The following DNAH2 variants were observed in gnomAD, a reference collection of about 807,000 sequenced individuals.
DNAH2 encodes the protein axonemal beta dynein heavy chain 2.
DNAH2 carries 323 observed loss-of-function variants against 523.5 expected under a neutral mutation model. The ratio of observed to expected loss-of-function variants is 0.62; its 90% CI spans 0.56 to 0.68. The LOEUF (loss-of-function observed/expected upper bound fraction) is 0.68, where lower values mean the gene tolerates loss of function less well. Ranked by LOEUF, DNAH2 falls within the 30% of genes least tolerant of loss-of-function variation. The pLI, the probability that DNAH2 is intolerant of heterozygous loss-of-function variation, is 0.00. For missense variants in DNAH2, 4,907 were observed against 5,701.5 expected (o/e 0.86, Z 4.49); for synonymous variants, 2,093 against 2,177.4 (o/e 0.96, Z 1.08).
chr17:7,810,050 TTTTC>T lies in DNAH2; in HGVS notation c.9729+2472_9729+2475del, dbSNP rs1032739091. Reference sequence around the variant, plus strand: ...CTTCCTTCCTTCCTTTTCTTCTTTCTTTTCTTTCTTTTTTTTCTTTTTTTTTTTT... The same window carrying T: ...CTTCCTTCCTTCCTTTTCTTCTTTCTTTTCTTTTTTTTCTTTTTTTTTTTT... On this transcript the variant is annotated intron_variant, in intron 63 of 85. Coordinates refer to ENST00000572933, the MANE Select transcript of DNAH2 (RefSeq NM_020877.5). Among the ~76,000 whole-genome samples, 10 of 149,044 alleles carry T rather than the reference TTTTC, an allele frequency of 6.7e-5. No individual in the cohort carries two copies. In the East Asian group the frequency reaches 1.4e-3, roughly 20 times the overall value.
chr17:7,772,469 A>T (rs1389593478), intron 28 of DNAH2, among the ~76,000 whole-genome samples: 3 of 152,206 alleles, frequency 2.0e-5, no homozygotes, highest in Non-Finnish European at 2.9e-5. Flanking sequence ...GCACAGAACA[A>T]ATCCATCTTG....
intron 12 of DNAH2, among the ~76,000 whole-genome samples, chr17:7,746,537 C>T (rs748461122): frequency 7.9e-5 from 12 of 152,230 alleles, no homozygotes; most frequent in East Asian, 5.8e-4. Flanking sequence ...TAAGAATAAC[C>T]ACTTTTAATG....
Position 7,816,446 on chromosome 17 carries a change from G to T in DNAH2, c.9730-125G>T, listed in dbSNP as rs2077668047. The T allele has an allele frequency of 2.7e-6, 3 of 1,117,650 alleles. No homozygotes were observed. The African/African-American group carries it at 4.7e-5, about 17-fold the overall frequency. The allele number at this position is 1,117,650 out of a possible 1,614,324, so 69.2% of individuals were successfully genotyped here. On this transcript the variant is annotated intron_variant, in intron 63 of 85. Transcript: ENST00000572933. ...TTCTTTTACAACATGAGGAAACTAG[G>T]CTCAAAGAGATTAATTTAACAAAGC...
intron 12 of DNAH2, chr17:7,743,676 C>CA (rs1597505831): frequency 3.7e-6 from 1 of 270,394 alleles, no homozygotes; most frequent in South Asian, 4.6e-5. Flanking sequence ...AAACAAAAAT[C>CA]AAAAACCACT....
intron 58 of DNAH2, among the ~76,000 whole-genome samples, chr17:7,803,564 G>C (rs760372022): frequency 2.6e-5 from 4 of 152,160 alleles, no homozygotes; most frequent in Non-Finnish European, 5.9e-5. Flanking sequence ...CAGCTACTGG[G>C]GAGGCTGAGG....
At chr17:7,747,049 C>G (rs1325103565) in intron 12 of DNAH2, among the ~76,000 whole-genome samples, 1 of 151,118 alleles carries the variant, frequency 6.6e-6, no homozygotes, top group Non-Finnish European at 1.5e-5. Flanking sequence ...CAGCACATAT[C>G]CCCAATCCCT....
intron 8 of DNAH2, 133 bp from the exon 9 acceptor site, chr17:7,739,600 T>G: frequency 1.1e-6 from 1 of 894,270 alleles, no homozygotes; most frequent in Non-Finnish European, 1.7e-6. Flanking sequence ...TTAGATATTT[T>G]CTTCTTCTTT....
intron 12 of DNAH2, among the ~76,000 whole-genome samples, chr17:7,752,160 T>TACACACACACACACAC (rs1555544463): frequency 1.5e-3 from 193 of 125,014 alleles, no homozygotes; most frequent in Middle Eastern, 4.0e-3. Flanking sequence ...TAAGTCATTT[T>TACACACACACACACAC]ACACACACAC....
chr17:7,811,750 C>T (rs1370075100), intron 63 of DNAH2, among the ~76,000 whole-genome samples: 2 of 152,124 alleles, frequency 1.3e-5, no homozygotes, highest in Non-Finnish European at 2.9e-5. Context: ...AGATGCCCCA[C>T]CTCCCAACAC....
At position 7,798,876 on chromosome 17, in the gene DNAH2, C is replaced by T. The variant is rs2077143135; in HGVS notation, c.8559+158C>T. On this transcript the variant is annotated intron_variant, in intron 55 of 85. Coordinates refer to ENST00000572933, the MANE Select transcript of DNAH2 (RefSeq NM_020877.5). The surrounding 1 kb of genome is among the most constrained non-coding windows in gnomAD (Gnocchi z 5.5). ...TAAGGTGGAAGGTCCCCTCCAGGGA[C>T]CCTGGGCAGAGCTGCTTTAAAACCC... Among the ~76,000 whole-genome samples, 1 of 152,310 alleles carries T rather than the reference C, an allele frequency of 6.6e-6. No homozygotes were observed. The highest frequency in any genetic ancestry group is 2.1e-4 in the South Asian group (1 of 4,822).
intron 12 of DNAH2, among the ~76,000 whole-genome samples, chr17:7,747,223 C>T (rs2075543045): frequency 6.6e-6 from 1 of 151,904 alleles, no homozygotes; most frequent in Admixed American, 6.6e-5. Flanking sequence ...TCAAGTGATC[C>T]TCCCACCTTG....
In DNAH2 at chr17:7,831,031, G is replaced by A; in HGVS notation, c.12231-55G>A. ...ATGCATAGGTTTGGGGTCTTGGCCTGGCATTGAGGGCTGAGTCCCCACAAT... is the reference window on the plus strand; with the variant it reads ...ATGCATAGGTTTGGGGTCTTGGCCTAGCATTGAGGGCTGAGTCCCCACAAT... On this transcript the variant is annotated intron_variant, in intron 79 of 85. Transcript: ENST00000572933. This position sits in a 1 kb window ranked among gnomAD's most constrained non-coding sequence, Gnocchi z 4.2. 3.2e-6 allele frequency: 5 copies of A among 1,566,950 alleles called. No individual in the cohort carries two copies. The South Asian group carries it at 3.4e-5, about 11-fold the overall frequency.
chr17:7,727,114 T>G lies in DNAH2; in HGVS notation c.229-8T>G. 6.5e-7 allele frequency: 1 copy of G among 1,545,126 alleles called. No homozygotes were observed. The highest frequency in any genetic ancestry group is 1.3e-5 in the South Asian group (1 of 78,762). ...TAGTTACTTTGGCCCTCTGCTCTCCTTCTGTAGAAGCCCCTCTTCCTTTCC... is the reference window on the plus strand; with the variant it reads ...TAGTTACTTTGGCCCTCTGCTCTCCGTCTGTAGAAGCCCCTCTTCCTTTCC... On this transcript the variant is annotated splice_polypyrimidine_tract_variant and splice_region_variant and intron_variant, in intron 3 of 85. Transcript: ENST00000572933.
In DNAH2 at chr17:7,832,610, G is replaced by A. The variant is rs1416081770; in HGVS notation, c.12758G>A (p.Trp4253Ter). Residue 4253 changes from tryptophan (W) to a stop codon, truncating the protein, a stop_gained, in exon 83 of 86, where the codon TGG (tryptophan) becomes TAG (stop). Transcript: ENST00000572933. LOFTEE classifies it high-confidence loss of function. The surrounding 1 kb of genome is among the most constrained non-coding windows in gnomAD (Gnocchi z 4.3). Reference sequence around the variant, plus strand: ...CCCTCACAAAAGCCATTGGCTGCCTGGACCCGGGACTTGGCCATGCGTGTG... The same window carrying A: ...CCCTCACAAAAGCCATTGGCTGCCTAGACCCGGGACTTGGCCATGCGTGTG... ...AYPSQKPLAAWTRDLAMRVEQ... is the reference protein window; with the variant it reads ...AYPSQKPLAA 1 of 1,614,146 alleles carries A rather than the reference G, an allele frequency of 6.2e-7. No individual in the cohort carries two copies. Among genetic ancestry groups the A allele is most frequent in the Admixed American group, 1.7e-5 (1 of 60,014 alleles).
chr17:7,833,327 C>T, intron 85 of DNAH2, 52 bp from the exon 86 acceptor site: 4 of 1,609,548 alleles, frequency 2.5e-6, no homozygotes, highest in Non-Finnish European at 3.4e-6. Context: ...CTGCTCCTGC[C>T]CTGCTCTCCC....
intron 28 of DNAH2, 57 bp from the exon 29 acceptor site, chr17:7,774,702 A>G: frequency 6.6e-7 from 1 of 1,506,202 alleles, no homozygotes; most frequent in Non-Finnish European, 9.1e-7. Context: ...TGGGGCATCC[A>G]GATCCGCCCA....
rs1475210742 is a variant in DNAH2, at chr17:7,740,661, G to C, written c.1506+112G>C. 9 of 1,544,238 alleles carry C rather than the reference G, an allele frequency of 5.8e-6. No individual in the cohort carries two copies. In the African/African-American group the frequency reaches 8.2e-5, roughly 14 times the overall value. ...GTGCCCTTCTCCATGTCCAGCATTC[G>C]GGCGCCTCTTGTCTTTCTTCTGTTC... On this transcript the variant is annotated intron_variant, in intron 10 of 85. Transcript: ENST00000572933.
At position 7,777,611 on chromosome 17, in the gene DNAH2, CA is replaced by C; in HGVS notation, c.5226del (p.Gln1742HisfsTer40). The C allele has an allele frequency of 6.2e-7, 1 of 1,614,168 alleles. No individual in the cohort carries two copies. The highest frequency in any genetic ancestry group is 8.5e-7 in the Non-Finnish European group (1 of 1,180,018). On this transcript the variant is annotated frameshift_variant, in exon 33 of 86. Transcript: ENST00000572933. LOFTEE classifies it high-confidence loss of function. The stretch of plus-strand genomic sequence containing the variant: ...TGTCAATTCCTTTGACTGGCTCAGC[CA>C]ACTTCGGTTCTACTGGGAGAAGGTG... Reference protein sequence around the residue: ...MDVNSFDWLSQLRFYWEKDLD... With the variant: ...MDVNSFDWLSXLRFYWEKDLD...
intron 58 of DNAH2, 99 bp from the exon 59 acceptor site, chr17:7,804,157 G>T (rs2077298169): frequency 7.9e-7 from 1 of 1,262,410 alleles, no homozygotes; most frequent in East Asian, 2.5e-5. Context: ...CAACAGAAAG[G>T]AAGGCGGACT....
Sources: allele counts gnomAD v4.1 joint callset (sites outside exome capture counted in the v4.1 genomes callset), GRCh38; gene constraint gnomAD v4.1.1; non-coding constraint Gnocchi (gnomAD v3.1); transcripts MANE v1.5; gene names NCBI Gene and HGNC (gene_info 2026-07-23, HGNC 2026-07-21).